The following OSBP2 variants were observed in gnomAD, a reference collection of about 807,000 sequenced individuals.
OSBP2 encodes the protein oxysterol binding protein 2.
In OSBP2, 66 loss-of-function variants were observed where a neutral mutation model predicts 96.0. The ratio of observed to expected loss-of-function variants is 0.69; its 90% CI spans 0.56 to 0.84. The LOEUF (loss-of-function observed/expected upper bound fraction) is 0.84. Among genes scored for constraint, OSBP2 ranks in the 40% least tolerant of loss-of-function variants. The pLI is 0.00. For synonymous variants in OSBP2, 525 were observed against 520.9 expected, an observed-to-expected ratio of 1.01 and a Z score of -0.11; for missense variants, 1,038 against 1,222.7, an observed-to-expected ratio of 0.85 and a Z score of 2.25.
chr22:30,782,440 G>A lies in OSBP2; in HGVS notation c.853+41071G>A, dbSNP rs186628926. ...TTCCTGACCTTAGGTGATCTGCCTC[G>A]GCCTCCCAAAGTGCCAGGATTACAG... On this transcript the variant is annotated intron_variant, in intron 2 of 13. Transcript: ENST00000332585. Among the ~76,000 whole-genome samples, 392 of 151,886 alleles carry A rather than the reference G, an allele frequency of 2.6e-3. 4 individuals are homozygous for A. Among genetic ancestry groups the A allele is most frequent in the African/African-American group, 8.8e-3 (366 of 41,414 alleles).
At chr22:30,713,240 G>A (rs1424172050) in intron 1 of OSBP2, among the ~76,000 whole-genome samples, 3 of 151,354 alleles carry the variant, frequency 2.0e-5, no homozygotes, top group East Asian at 1.9e-4. Context: ...CACCACGCCC[G>A]GCTAATTTTT....
chr22:30,808,253 C>T (rs1019173792), intron 2 of OSBP2, among the ~76,000 whole-genome samples: 11 of 152,166 alleles, frequency 7.2e-5, no homozygotes, highest in Non-Finnish European at 1.3e-4. Flanking sequence ...ATATTCCCAG[C>T]ACTTTGGGAG....
At chr22:30,730,760 CTCTCTCTCTCTCTCTA>C (rs1484364103) in intron 1 of OSBP2, among the ~76,000 whole-genome samples, 113 of 41,878 alleles carry the variant, frequency 2.7e-3, no homozygotes, top group East Asian at 0.011. Context: ...CTCTCTCTCT[CTCTCTCTCTCTCTCTA>C]TATATATATA....
chr22:30,865,796 TC>T (rs1271451895), intron 2 of OSBP2, among the ~76,000 whole-genome samples: 1 of 152,014 alleles, frequency 6.6e-6, no homozygotes, highest in Non-Finnish European at 1.5e-5. Flanking sequence ...GCCACTAATA[TC>T]CCCGGTGTAA....
At chr22:30,887,659 G>A in intron 4 of OSBP2, 41 bp downstream of exon 4, 1 of 1,502,374 alleles carries the variant, frequency 6.7e-7, no homozygotes, top group Non-Finnish European at 9.0e-7. Flanking sequence ...ATGACCTTCT[G>A]CCAGCTGGCT....
intron 1 of OSBP2, among the ~76,000 whole-genome samples, chr22:30,709,260 A>G (rs541329204): frequency 6.6e-6 from 1 of 152,216 alleles, no homozygotes; most frequent in South Asian, 2.1e-4. Flanking sequence ...TTTTTTGGAT[A>G]CATTTGTTTG....
intron 2 of OSBP2, among the ~76,000 whole-genome samples, chr22:30,746,716 TC>T (rs943172895): frequency 2.0e-5 from 3 of 152,088 alleles, no homozygotes; most frequent in African/African-American, 7.2e-5. Flanking sequence ...GGTCTTGAAC[TC>T]CTGACCTCAG....
chr22:30,906,138 C>T (rs3804084), intron 13 of OSBP2, 59 bp from the exon 14 acceptor site: 1 of 1,610,586 alleles, frequency 6.2e-7, no homozygotes, highest in South Asian at 1.1e-5. Flanking sequence ...GCCGCAGGGA[C>T]GGATTCCGGG....
At position 30,905,947 on chromosome 22, in the gene OSBP2, TGGA is replaced by T; in HGVS notation, c.2488_2490del (p.Glu830del). The T allele has an allele frequency of 1.2e-6, 2 of 1,612,140 alleles. No individual in the cohort carries two copies. Among genetic ancestry groups the T allele is most frequent in the Non-Finnish European group, 1.7e-6 (2 of 1,179,398 alleles). On this transcript the variant is annotated inframe_deletion, in exon 13 of 14. Transcript: ENST00000332585. ...CGCCTGCGGCCCGACCAGCGGCTGA[TGGA>T]GAAGGGCCGTTGGGACGAGGCCAAT...
intron 2 of OSBP2, among the ~76,000 whole-genome samples, chr22:30,828,770 A>G (rs1427888385): frequency 6.6e-6 from 1 of 152,148 alleles, no homozygotes; most frequent in Non-Finnish European, 1.5e-5. Context: ...GCGAGAGCTC[A>G]AGGAAGGAGG....
chr22:30,748,820 G>A (rs2090038875), intron 2 of OSBP2, among the ~76,000 whole-genome samples: 1 of 152,158 alleles, frequency 6.6e-6, no homozygotes, highest in Non-Finnish European at 1.5e-5. Flanking sequence ...AGGTTGTTAA[G>A]AATTGTGTAT....
intron 3 of OSBP2, among the ~76,000 whole-genome samples, chr22:30,882,218 C>T (rs2039718122): frequency 6.6e-6 from 1 of 152,204 alleles, no homozygotes; most frequent in Non-Finnish European, 1.5e-5. Context: ...GTTGCTTGGA[C>T]AGGGTTATTC....
In OSBP2 at chr22:30,894,001, C is replaced by T. The variant is rs780682651; in HGVS notation, c.2375C>T (p.Pro792Leu). 28 of 1,588,584 alleles carry T rather than the reference C, an allele frequency of 1.8e-5. No individual in the cohort carries two copies. The highest frequency in any genetic ancestry group is 1.1e-4 in the African/African-American group (8 of 74,720). ...AKLLWKKYPL[P>L]ENAENMYYFS... is the part of the protein sequence containing the mutation. ...CTGCTGTGGAAGAAGTACCCGCTGC[C>T]GTGAGTAGGGCTGGCAGGGGCCCCG... Residue 792 changes from proline to leucine, a missense_variant and splice_region_variant, in exon 12 of 14, where the codon CCG becomes CTG. Transcript: ENST00000332585.
At chr22:30,705,592 C>T (rs1216558010) in intron 1 of OSBP2, among the ~76,000 whole-genome samples, 1 of 152,158 alleles carries the variant, frequency 6.6e-6, no homozygotes, top group Non-Finnish European at 1.5e-5. Context: ...CGCGTCTGGC[C>T]TCCCCAGTAT....
At chr22:30,822,676 T>C (rs1175727254) in intron 2 of OSBP2, 2 of 1,533,902 alleles carry the variant, frequency 1.3e-6, no homozygotes, top group Admixed American at 3.9e-5. Context: ...GCGCTCCTTC[T>C]GCAGCTCCGG....
intron 2 of OSBP2, among the ~76,000 whole-genome samples, chr22:30,774,044 T>C (rs985624592): frequency 2.6e-5 from 4 of 152,038 alleles, no homozygotes; most frequent in Non-Finnish European, 5.9e-5. Flanking sequence ...ATGGTCTTCC[T>C]CTCCCGAGTG....
intron 3 of OSBP2, among the ~76,000 whole-genome samples, chr22:30,875,692 C>T (rs1156672671): frequency 5.9e-5 from 9 of 152,216 alleles, no homozygotes; most frequent in South Asian, 4.1e-4. Context: ...TCTTTCTAGC[C>T]GGACTCAGAG....
chr22:30,815,769 A>G (rs1211698373), intron 2 of OSBP2, among the ~76,000 whole-genome samples: 1 of 152,060 alleles, frequency 6.6e-6, no homozygotes, highest in East Asian at 1.9e-4. Context: ...CCAAAAGGCC[A>G]TCCTCTATCT....
chr22:30,906,836 A>G lies in OSBP2; in HGVS notation c.*497A>G, dbSNP rs2040346017. On this transcript the variant is annotated 3_prime_UTR_variant, in exon 14 of 14. Transcript: ENST00000332585. ...AAAAGTGTCCTGGCAAGAGCCCCTT[A>G]TTTTTAAGACATCAGGAAGCCAGAC... 1 of 152,970 alleles carries G rather than the reference A, an allele frequency of 6.5e-6. No individual in the cohort carries two copies. Among genetic ancestry groups the G allele is most frequent in the Non-Finnish European group, 1.5e-5 (1 of 68,290 alleles). The allele number at this position is 152,970 out of a possible 1,614,324, so 9.5% of individuals were successfully genotyped here.
Sources: gnomAD v4.1 joint callset for allele counts (sites outside exome capture counted in the v4.1 genomes callset) on GRCh38, gnomAD v4.1.1 for gene constraint, MANE v1.5 for transcripts, NCBI Gene and HGNC (gene_info 2026-07-23, HGNC 2026-07-21) for gene names.